The following BLTP1 variants were observed in gnomAD, a reference collection of about 807,000 sequenced individuals.
The protein encoded by BLTP1 is bridge-like lipid transfer protein family member 1, also known as fragile site-associated protein.
chr4:122,189,223 T>C, the BLTP1 span: 2 of 839,674 alleles, frequency 2.4e-6, no homozygotes, highest in African/African-American at 3.7e-5. Flanking sequence ...TGTGATTTAA[T>C]ACATATTTAG....
the BLTP1 span, chr4:122,304,731 A>G: frequency 1.3e-6 from 2 of 1,565,140 alleles, no homozygotes; most frequent in South Asian, 2.4e-5. Flanking sequence ...CTGAAAGACT[A>G]CATTTGAGTA....
the BLTP1 span, among the ~76,000 whole-genome samples, chr4:122,242,349 C>T: frequency 3.3e-5 from 5 of 152,010 alleles, no homozygotes; most frequent in African/African-American, 4.8e-5. Flanking sequence ...CTGGAGGGCA[C>T]TCTGTTAAGT....
the BLTP1 span, among the ~76,000 whole-genome samples, chr4:122,235,791 C>T: frequency 3.1e-4 from 47 of 151,688 alleles, no homozygotes; most frequent in African/African-American, 1.1e-3. Context: ...GGCGACAGAG[C>T]GAGACTCCGT....
the BLTP1 span, chr4:122,302,271 C>T: frequency 1.7e-5 from 17 of 981,498 alleles, no homozygotes; most frequent in South Asian, 6.6e-4. Context: ...CCAGTTTTAT[C>T]AGTTCATTAG....
the BLTP1 span, chr4:122,240,066 C>G: frequency 1.2e-6 from 2 of 1,614,182 alleles, no homozygotes; most frequent in Middle Eastern, 3.3e-4. Context: ...TCATCCTTCT[C>G]AGGCTTCATT....
At chr4:122,347,221 A>AT in the BLTP1 span, 1 of 984,954 alleles carries the variant, frequency 1.0e-6, no homozygotes, top group Non-Finnish European at 1.2e-6. Flanking sequence ...AAATCAAGAG[A>AT]TTTTTGGAAA....
At chr4:122,289,701 C>T in the BLTP1 span, 1 of 951,368 alleles carries the variant, frequency 1.1e-6, no homozygotes, top group Admixed American at 6.2e-5. Context: ...GACTGTATAA[C>T]AGTTCTTAAT....
the BLTP1 span, chr4:122,276,684 GCAT>G: frequency 1.1e-6 from 1 of 912,820 alleles, no homozygotes; most frequent in Non-Finnish European, 1.3e-6. Flanking sequence ...GTAAGTAGCA[GCAT>G]TTCAGAGCCT....
the BLTP1 span, among the ~76,000 whole-genome samples, chr4:122,230,477 C>T: frequency 3.3e-5 from 5 of 152,110 alleles, no homozygotes; most frequent in Non-Finnish European, 7.4e-5. Flanking sequence ...AACAGTGAAA[C>T]AAGTTTAAGT....
the BLTP1 span, chr4:122,219,187 G>GT: frequency 1.0e-6 from 1 of 978,340 alleles, no homozygotes; most frequent in Non-Finnish European, 1.2e-6. Flanking sequence ...CTTAACATAT[G>GT]TTTTCTTTTG....
the BLTP1 span, among the ~76,000 whole-genome samples, chr4:122,157,805 A>G: frequency 6.6e-6 from 1 of 152,124 alleles, no homozygotes; most frequent in Non-Finnish European, 1.5e-5. Context: ...AGTTATAGTA[A>G]TATTCTTGGT....
At chr4:122,186,282 A>G in the BLTP1 span, 1 of 1,422,530 alleles carries the variant, frequency 7.0e-7, no homozygotes, top group South Asian at 1.3e-5. Flanking sequence ...CCTTTATTAG[A>G]ATATCATTGA....
the BLTP1 span, chr4:122,246,646 T>C: frequency 6.3e-7 from 1 of 1,587,354 alleles, no homozygotes; most frequent in Non-Finnish European, 8.6e-7. Context: ...GTGGTAATTT[T>C]TCACTTGTCA....
the BLTP1 span, among the ~76,000 whole-genome samples, chr4:122,348,264 A>G: frequency 6.6e-6 from 1 of 152,168 alleles, no homozygotes; most frequent in African/African-American, 2.4e-5. Flanking sequence ...TTTGTTAAAC[A>G]GAATCCTAGG....
chr4:122,172,965 T>C, the BLTP1 span: 4 of 1,583,790 alleles, frequency 2.5e-6, no homozygotes, highest in Non-Finnish European at 3.4e-6. Flanking sequence ...ATTCCAAGTA[T>C]TAAATTGTAA....
the BLTP1 span, chr4:122,362,243 A>C: frequency 6.2e-7 from 1 of 1,611,240 alleles, no homozygotes; most frequent in Non-Finnish European, 8.5e-7. Flanking sequence ...AAAGAAGAAC[A>C]CTAAAAAAGT....
chr4:122,333,603 A>G, the BLTP1 span: 1 of 1,551,728 alleles, frequency 6.4e-7, no homozygotes, highest in Non-Finnish European at 8.6e-7. Flanking sequence ...TTTTTTAAAA[A>G]GATAAGAACA....
the BLTP1 span, among the ~76,000 whole-genome samples, chr4:122,253,968 C>A: frequency 0.036 from 5,460 of 152,228 alleles, 345 homozygotes; most frequent in African/African-American, 0.12. Flanking sequence ...TCAGTGGAAT[C>A]TTTACAGGCC....
the BLTP1 span, chr4:122,211,229 G>A: frequency 4.0e-6 from 3 of 758,594 alleles, no homozygotes; most frequent in Non-Finnish European, 6.2e-6. Flanking sequence ...TATGTTGACT[G>A]GACTTGGGGT....
Sources: gnomAD v4.1 joint callset for allele counts (sites outside exome capture counted in the v4.1 genomes callset) on GRCh38, gnomAD v4.1.1 for gene constraint, MANE v1.5 for transcripts, NCBI Gene and HGNC (gene_info 2026-07-23, HGNC 2026-07-21) for gene names.